EOMES: variants seen among roughly 807,000 people sequenced by gnomAD.
EOMES encodes the protein eomesodermin homolog.
EOMES carries 18 observed loss-of-function variants against 61.0 expected under a neutral mutation model. That is an observed-to-expected ratio of 0.30 (90% CI 0.20 to 0.44). The LOEUF (loss-of-function observed/expected upper bound fraction) is 0.44, where lower values mean the gene tolerates loss of function less well. Ranked by LOEUF, EOMES falls within the 20% of genes least tolerant of loss-of-function variation. The pLI is 1.00. For synonymous variants in EOMES, 430 were observed against 394.0 expected (o/e 1.09, Z -1.08); for missense variants, 885 against 939.2 (o/e 0.94, Z 0.75).
intron 5 of EOMES, 59 bp downstream of exon 5, chr3:27,718,528 T>C: frequency 9.2e-7 from 1 of 1,086,454 alleles, no homozygotes; most frequent in Non-Finnish European, 1.4e-6. Flanking sequence ...GCAAAGTGCC[T>C]GTTGATGTAT....
At position 27,716,800 on chromosome 3, in the gene EOMES, A is replaced by G. The variant is rs919576757; in HGVS notation, c.*270T>C. 1 of 391,444 alleles carries G rather than the reference A, an allele frequency of 2.6e-6. No homozygotes were observed. The highest frequency in any genetic ancestry group is 4.5e-6 in the Non-Finnish European group (1 of 221,418). The allele number at this position is 391,444 out of a possible 1,614,324, so 24.2% of individuals were successfully genotyped here. A position where few individuals can be genotyped will look rare whatever the true frequency, so the allele number is the denominator to read the frequency against. On this transcript the variant is annotated 3_prime_UTR_variant, in exon 6 of 6. Transcript: ENST00000449599. ...TCTTTGAAGGGTTAGTGTCTCCCCA[A>G]TAAATAAATACAGAACCTTGGATAC... is the stretch of plus-strand genomic sequence containing the variant.
chr3:27,718,579 G>A lies in EOMES; in HGVS notation c.1379+8C>T, dbSNP rs1267704618. On this transcript the variant is annotated splice_region_variant and intron_variant, in intron 5 of 5. Coordinates refer to ENST00000449599, the MANE Select transcript of EOMES (RefSeq NM_001278182.2). ...GATCAGGCAAGTGTGGATAAAAGCT[G>A]CACTTACGAATCATAGTTGTCTCTG... 4 of 1,598,846 alleles carry A rather than the reference G, an allele frequency of 2.5e-6. No individual in the cohort carries two copies. The Admixed American group carries it at 6.7e-5, about 27-fold the overall frequency.
intron 5 of EOMES, among the ~76,000 whole-genome samples, chr3:27,718,182 T>A (rs1039866343): frequency 6.6e-6 from 1 of 152,168 alleles, no homozygotes; most frequent in Non-Finnish European, 1.5e-5. Context: ...GCCTTGCTAT[T>A]TCGTGTTGTG....
chr3:27,719,540 G>A, intron 2 of EOMES, 59 bp from the exon 3 acceptor site: 1 of 1,482,382 alleles, frequency 6.7e-7, no homozygotes, highest in Non-Finnish European at 9.4e-7. Flanking sequence ...TACAAATGGA[G>A]AAAGCGGAGG....
In EOMES at chr3:27,722,104, A is replaced by C. The variant is rs2125404542; in HGVS notation, c.191T>G (p.Val64Gly). 6.5e-7 allele frequency: 1 copy of C among 1,549,092 alleles called. No individual in the cohort carries two copies. Among genetic ancestry groups the C allele is most frequent in the Non-Finnish European group, 8.7e-7 (1 of 1,146,580 alleles). ...KFSGSLSCEA[V>G]SGEPAAASAG... is the part of the protein sequence containing the mutation. ...GCTGGCGGCTGCGGGCTCCCCGCTCACCGCCTCGCAGGAGAGACTGCCGGA... is the reference window on the plus strand; with the variant it reads ...GCTGGCGGCTGCGGGCTCCCCGCTCCCCGCCTCGCAGGAGAGACTGCCGGA... The change falls in exon 1 of 6, where the codon GTG becomes GGG. Residue 64 changes from valine (V) to glycine (G), a missense_variant. Physicochemically the swap from Val to Gly is moderately radical, Grantham distance 109 (BLOSUM62 -3). This residue lies in a region of EOMES where 449 missense variants were observed against 383.6 expected (regional missense o/e 1.17). Transcript: ENST00000449599.
Position 27,717,612 on chromosome 3 carries a change from G to T in EOMES, c.1576C>A (p.Gln526Lys), listed in dbSNP as rs2060578982. Residue 526 changes from glutamine to lysine, a missense_variant, in exon 6 of 6, where the codon CAG becomes AAG. Transcript: ENST00000449599. This position sits in a 1 kb window ranked among gnomAD's most constrained non-coding sequence, Gnocchi z 4.5. ...GGAGGGTTGGCCACCTCTTCGCTCT[G>T]TTGGGGTGAAAGGAGGCCGTTGGTC... Reference protein sequence around the residue: ...PQTNGLLSPQQSEEVANPPQR... With the variant: ...PQTNGLLSPQKSEEVANPPQR... 1 of 1,614,118 alleles carries T rather than the reference G, an allele frequency of 6.2e-7. No homozygotes were observed. The highest frequency in any genetic ancestry group is 8.5e-7 in the Non-Finnish European group (1 of 1,179,990).
chr3:27,722,034 G>C lies in EOMES; in HGVS notation c.261C>G (p.Asp87Glu). The part of the protein sequence containing the change: ...AAMLSDTDAG[D>E]AFASAAAVAK... Reference sequence around the variant, plus strand: ...CCACTGCCGCAGCGCTGGCAAATGCGTCCCCGGCGTCGGTGTCACTAAGCA... The same window carrying C: ...CCACTGCCGCAGCGCTGGCAAATGCCTCCCCGGCGTCGGTGTCACTAAGCA... The change falls in exon 1 of 6, where the codon GAC becomes GAG. Residue 87 changes from aspartate to glutamate, a missense_variant. Asp to Glu is a conservative substitution (Grantham distance 45, BLOSUM62 2). This residue lies in a region of EOMES where 449 missense variants were observed against 383.6 expected (regional missense o/e 1.17). Transcript: ENST00000449599. 1 of 1,528,682 alleles carries C rather than the reference G, an allele frequency of 6.5e-7. No homozygotes were observed. The highest frequency in any genetic ancestry group is 1.2e-5 in the South Asian group (1 of 82,088). The allele number at this position is 1,528,682 out of a possible 1,614,324, so 94.7% of individuals were successfully genotyped here.
At position 27,722,186 on chromosome 3, in the gene EOMES, G is replaced by A; in HGVS notation, c.109C>T (p.Pro37Ser). The A allele has an allele frequency of 1.3e-6, 2 of 1,598,802 alleles. No individual in the cohort carries two copies. The highest frequency in any genetic ancestry group is 1.7e-6 in the Non-Finnish European group (2 of 1,174,184). The part of the protein sequence containing the change: ...GGSGGSAGHL[P>S]SAAPSPQKLD... ...TTCTGAGGAGAGGGGGCCGCGCTGG[G>A]GAGGTGGCCAGCGCTCCCGCCGCTG... The change falls in exon 1 of 6, where the codon CCC becomes TCC. Residue 37 changes from proline (P) to serine (S), a missense_variant. Pro to Ser is a moderately conservative substitution (Grantham distance 74). This residue lies in a region of EOMES where 449 missense variants were observed against 383.6 expected (regional missense o/e 1.17). Transcript: ENST00000449599.
chr3:27,717,101 C>T lies in EOMES; in HGVS notation c.2087G>A (p.Gly696Glu), dbSNP rs2060573990. 2 of 1,612,244 alleles carry T rather than the reference C, an allele frequency of 1.2e-6. No individual in the cohort carries two copies. Among genetic ancestry groups the T allele is most frequent in the Non-Finnish European group, 1.7e-6 (2 of 1,178,630 alleles). The change falls in exon 6 of 6, where the codon GGA becomes GAA. Residue 696 changes from glycine (G) to glutamate (E), a missense_variant. Gly to Glu is a moderately conservative substitution (Grantham distance 98). Transcript: ENST00000449599. This position sits in a 1 kb window ranked among gnomAD's most constrained non-coding sequence, Gnocchi z 4.5. ...EYSKDTSKGM[G>E]GYYAFYTTP is the part of the protein sequence containing the mutation. ...AGTTGTGTAAAAAGCATAATACCCTCCCATGCCTTTTGAGGTGTCTTTACT... is the reference window on the plus strand; with the variant it reads ...AGTTGTGTAAAAAGCATAATACCCTTCCATGCCTTTTGAGGTGTCTTTACT...
At chr3:27,719,241 C>G in intron 3 of EOMES, 119 bp downstream of exon 3, 1 of 1,047,508 alleles carries the variant, frequency 9.5e-7, no homozygotes, top group Non-Finnish European at 1.4e-6. Context: ...TAGAAATAGG[C>G]GAGCAAACAG....
rs1559925577 is a variant in EOMES, at chr3:27,717,165, G to A, written c.2023C>T (p.Pro675Ser). 1.2e-6 allele frequency: 2 copies of A among 1,613,046 alleles called. No homozygotes were observed. Among genetic ancestry groups the A allele is most frequent in the South Asian group, 1.1e-5 (1 of 91,078 alleles). Residue 675 changes from proline (P) to serine (S), a missense_variant, in exon 6 of 6, where the codon CCC (proline) becomes TCC (serine). Transcript: ENST00000449599. The surrounding 1 kb of genome is among the most constrained non-coding windows in gnomAD (Gnocchi z 4.5). The stretch of plus-strand genomic sequence containing the variant: ...TTAATGTCCTCACACTTTATGGAGG[G>A]TGAATTTTCATTACTGGAGTTGCTA... ...SPSNSSNENS[P>S]SIKCEDINAE... is the part of the protein sequence containing the mutation.
In EOMES at chr3:27,716,139, A is replaced by G. The variant is rs2060567679; in HGVS notation, c.*931T>C. On this transcript the variant is annotated 3_prime_UTR_variant, in exon 6 of 6. Transcript: ENST00000449599. ...CCTTAAACACGGTTCAAGTTAGTAC[A>G]TAGTAGCTGAATACATTCTTAACTA... The G allele has an allele frequency of 6.6e-6, 1 of 152,232 alleles. No homozygotes were observed. The highest frequency in any genetic ancestry group is 6.5e-5 in the Admixed American group (1 of 15,284). 9.4% of individuals were successfully genotyped at this position (152,232 alleles called of 1,614,324 possible).
chr3:27,717,513 A>G lies in EOMES; in HGVS notation c.1675T>C (p.Tyr559His). Reference protein sequence around the residue: ...KLDISSYESEYTSSTLLPYGI... With the variant: ...KLDISSYESEHTSSTLLPYGI... ...TATGGGAGCAATGTGCTAGAAGTATATTCAGATTCATAGGAACTGATGTCT... is the reference window on the plus strand; with the variant it reads ...TATGGGAGCAATGTGCTAGAAGTATGTTCAGATTCATAGGAACTGATGTCT... The change falls in exon 6 of 6, where the codon TAT becomes CAT. Residue 559 changes from tyrosine (Y) to histidine (H), a missense_variant. Around this residue, in one of 3 missense-constraint regions of EOMES, gnomAD observed 259 missense variants for 282.3 expected, o/e 0.92. Coordinates refer to ENST00000449599, the MANE Select transcript of EOMES (RefSeq NM_001278182.2). The surrounding 1 kb of genome is among the most constrained non-coding windows in gnomAD (Gnocchi z 4.5). 1 of 1,614,216 alleles carries G rather than the reference A, an allele frequency of 6.2e-7. No homozygotes were observed. Among genetic ancestry groups the G allele is most frequent in the Non-Finnish European group, 8.5e-7 (1 of 1,180,014 alleles).
At position 27,721,375 on chromosome 3, in the gene EOMES, T is replaced by C; in HGVS notation, c.881+39A>G. The C allele has an allele frequency of 6.5e-7, 1 of 1,547,294 alleles. No individual in the cohort carries two copies. Among genetic ancestry groups the C allele is most frequent in the Non-Finnish European group, 8.8e-7 (1 of 1,136,680 alleles). On this transcript the variant is annotated intron_variant, in intron 1 of 5. Coordinates refer to ENST00000449599, the MANE Select transcript of EOMES (RefSeq NM_001278182.2). This position sits in a 1 kb window ranked among gnomAD's most constrained non-coding sequence, Gnocchi z 7.4. ...CTTCCCCAGGACCACACGTCACCCT[T>C]TATCCCCGAACCCAGGGGCCCCTCC...
chr3:27,722,607 C>A, upstream of EOMES: 1 of 1,159,100 alleles, frequency 8.6e-7, no homozygotes, highest in Non-Finnish European at 1.1e-6. Context: ...CAGGCTCACA[C>A]GCTGGAAGAA....
chr3:27,719,574 A>T (rs1362903527), intron 2 of EOMES, 93 bp from the exon 3 acceptor site: 6 of 1,166,166 alleles, frequency 5.1e-6, no homozygotes, highest in Non-Finnish European at 7.5e-6. Flanking sequence ...TATGAGCAAG[A>T]TATAAGAGCT....
rs1290514674 is a variant in EOMES, at chr3:27,718,640, T to C, written c.1326A>G (p.Gln442=). ...VTAYQNTDIT[Q]LKIDHNPFAK... ...CAAAGGGGTTATGATCAATCTTTAG[T>C]TGAGTAATCTAGATAGGGGAGAAAA... is the stretch of plus-strand genomic sequence containing the variant. The change falls in exon 5 of 6, where the codon CAA becomes CAG. Residue 442 remains glutamine, a synonymous_variant. Coordinates refer to ENST00000449599, the MANE Select transcript of EOMES (RefSeq NM_001278182.2). The C allele has an allele frequency of 1.9e-6, 3 of 1,613,556 alleles. No individual in the cohort carries two copies. The highest frequency in any genetic ancestry group is 1.3e-5 in the African/African-American group (1 of 74,934).
Position 27,719,348 on chromosome 3 carries a change from C to A in EOMES, c.1158+12G>T. The A allele has an allele frequency of 6.2e-7, 1 of 1,613,898 alleles. No individual in the cohort carries two copies. On this transcript the variant is annotated intron_variant, in intron 3 of 5. Transcript: ENST00000449599. ...AAGCCAGAAGATATCCCCTCCTGCT[C>A]TGTCACTCTACCTGGGTGTTGTTGT...
rs770635650 is a variant in EOMES, at chr3:27,717,720, C to T, written c.1468G>A (p.Gly490Ser). The T allele has an allele frequency of 6.1e-5, 98 of 1,613,664 alleles. No homozygotes were observed. Among genetic ancestry groups the T allele is most frequent in the Non-Finnish European group, 7.5e-5 (89 of 1,179,956 alleles). Reference sequence around the variant, plus strand: ...GGCTCCGGGAAGAAGGATTGAACGCCGTACCGACCTCCAGGGACAATCTGA... The same window carrying T: ...GGCTCCGGGAAGAAGGATTGAACGCTGTACCGACCTCCAGGGACAATCTGA... Reference protein sequence around the residue: ...SHQIVPGGRYGVQSFFPEPFV... With the variant: ...SHQIVPGGRYSVQSFFPEPFV... Residue 490 changes from glycine to serine, a missense_variant, in exon 6 of 6, where the codon GGC becomes AGC. This residue lies in a region of EOMES where 259 missense variants were observed against 282.3 expected (regional missense o/e 0.92). Transcript: ENST00000449599. The surrounding 1 kb of genome is among the most constrained non-coding windows in gnomAD (Gnocchi z 4.5).
Sources: gnomAD v4.1 joint callset for allele counts (sites outside exome capture counted in the v4.1 genomes callset) on GRCh38, gnomAD v4.1.1 for gene constraint, gnomAD v4.1.1 regional missense constraint, Gnocchi (gnomAD v3.1) non-coding constraint, MANE v1.5 for transcripts, NCBI Gene and HGNC (gene_info 2026-07-23, HGNC 2026-07-21) for gene names.